The following EPHA6 variants were observed in gnomAD, a reference collection of about 807,000 sequenced individuals.
EPHA6 encodes the protein EPH receptor A6.
EPHA6 carries 50 observed loss-of-function variants against 112.0 expected under a neutral mutation model. The observed-to-expected ratio is 0.45, with a 90% CI of 0.36 to 0.56. The LOEUF (loss-of-function observed/expected upper bound fraction) is 0.56. Among genes scored for constraint, EPHA6 ranks in the 20% least tolerant of loss-of-function variants. EPHA6 has a pLI of 0.00. For synonymous variants in EPHA6, 529 were observed against 490.7 expected, an observed-to-expected ratio of 1.08 and a Z score of -1.03; for missense variants, 1,280 against 1,417.4, an observed-to-expected ratio of 0.90 and a Z score of 1.56.
chr3:97,135,807 G>A (rs1023416603), intron 3 of EPHA6, among the ~76,000 whole-genome samples: 2 of 150,130 alleles, frequency 1.3e-5, no homozygotes, highest in African/African-American at 2.5e-5. Flanking sequence ...CTAAGTAGAC[G>A]CTTTGAAGGA....
At chr3:97,573,179 ATGACT>A (rs1242008563) in intron 11 of EPHA6, among the ~76,000 whole-genome samples, 4 of 152,136 alleles carry the variant, frequency 2.6e-5, no homozygotes, top group Non-Finnish European at 2.9e-5. Context: ...ATGTCTCCAA[ATGACT>A]TGATTTGATA....
At chr3:97,138,749 A>C (rs987531428) in intron 3 of EPHA6, among the ~76,000 whole-genome samples, 8 of 152,210 alleles carry the variant, frequency 5.3e-5, no homozygotes, top group Non-Finnish European at 1.0e-4. Context: ...ATGGGGGCTG[A>C]GTGCCCCTCC....
At chr3:97,191,738 ACAC>A in intron 3 of EPHA6, among the ~76,000 whole-genome samples, 1 of 152,142 alleles carries the variant, frequency 6.6e-6, no homozygotes, top group Non-Finnish European at 1.5e-5. Flanking sequence ...TAACAGATGA[ACAC>A]TTAGGTGGCT....
rs534662670 is a variant in EPHA6 at position 97,375,696 on chromosome 3, G to T, written c.1607-29454G>T. ...CTTGAATATTTGAATCCTTACTACAGATATAACATTAATGCTTGAAAATAT... is the reference window on the plus strand; with the variant it reads ...CTTGAATATTTGAATCCTTACTACATATATAACATTAATGCTTGAAAATAT... On this transcript the variant is annotated intron_variant, in intron 5 of 17. Coordinates refer to ENST00000389672, the MANE Select transcript of EPHA6 (RefSeq NM_001080448.3). Among the ~76,000 whole-genome samples the T allele has an allele frequency of 4.6e-5, 7 of 152,104 alleles. No homozygotes were observed. The South Asian group carries it at 1.2e-3, about 27-fold the overall frequency.
chr3:97,121,475 C>G (rs577322577), intron 3 of EPHA6, among the ~76,000 whole-genome samples: 3 of 152,174 alleles, frequency 2.0e-5, no homozygotes, highest in African/African-American at 7.2e-5. Context: ...TCCTCTCACT[C>G]ACATGTCACT....
chr3:97,261,315 G>T (rs1656420415), intron 5 of EPHA6, among the ~76,000 whole-genome samples: 1 of 152,114 alleles, frequency 6.6e-6, no homozygotes, highest in African/African-American at 2.4e-5. Context: ...GTACCTATAT[G>T]GTAGATGAGG....
At chr3:96,923,833 C>T (rs1303880705) in intron 2 of EPHA6, among the ~76,000 whole-genome samples, 1 of 151,790 alleles carries the variant, frequency 6.6e-6, no homozygotes, top group Admixed American at 6.6e-5. Flanking sequence ...AGTCCAGTTT[C>T]AGTTTTCTGT....
chr3:96,863,672 T>G (rs1243993394), intron 1 of EPHA6, among the ~76,000 whole-genome samples: 1 of 152,028 alleles, frequency 6.6e-6, no homozygotes, highest in Non-Finnish European at 1.5e-5. Flanking sequence ...TGTTTTGAAG[T>G]GAATATACTT....
intron 1 of EPHA6, among the ~76,000 whole-genome samples, chr3:96,861,740 C>CA (rs1411082153): frequency 6.6e-6 from 1 of 151,682 alleles, no homozygotes; most frequent in Non-Finnish European, 1.5e-5. Context: ...TAAGAATAAC[C>CA]ACCACAACAA....
At chr3:96,974,326 G>T (rs1446586003) in intron 2 of EPHA6, among the ~76,000 whole-genome samples, 2 of 149,432 alleles carry the variant, frequency 1.3e-5, no homozygotes, top group African/African-American at 4.9e-5. Flanking sequence ...GATGGGGAAG[G>T]GTTTTTAGAG....
intron 14 of EPHA6, among the ~76,000 whole-genome samples, chr3:97,710,869 T>C (rs907965293): frequency 1.3e-5 from 2 of 152,258 alleles, no homozygotes; most frequent in African/African-American, 2.4e-5. Context: ...GATATTTGTT[T>C]TTAAGCAGAG....
intron 3 of EPHA6, among the ~76,000 whole-genome samples, chr3:97,215,114 G>T (rs141368491): frequency 6.6e-6 from 1 of 152,078 alleles, no homozygotes; most frequent in African/African-American, 2.4e-5. Flanking sequence ...CACACAAGAC[G>T]CAATTCAATA....
rs2039552327 is a variant in EPHA6, at chr3:96,917,589, C to T, written c.450+50700C>T. The stretch of plus-strand genomic sequence containing the variant: ...TGAGCCTGCTCCCATGCACAGTACA[C>T]CACTGCTACTACCTACAAACAACCA... On this transcript the variant is annotated intron_variant, in intron 2 of 17. Coordinates refer to ENST00000389672, the MANE Select transcript of EPHA6 (RefSeq NM_001080448.3). Among the ~76,000 whole-genome samples the T allele has an allele frequency of 2.6e-5, 4 of 152,140 alleles. No individual in the cohort carries two copies. The East Asian group carries it at 7.7e-4, about 29-fold the overall frequency.
At chr3:97,552,966 T>C (rs1271145978) in intron 11 of EPHA6, among the ~76,000 whole-genome samples, 1 of 152,204 alleles carries the variant, frequency 6.6e-6, no homozygotes, top group Non-Finnish European at 1.5e-5. Flanking sequence ...TATTAATGTC[T>C]ACTTTGTGAT....
chr3:97,616,540 A>G (rs1431543737), intron 13 of EPHA6, among the ~76,000 whole-genome samples: 4 of 152,202 alleles, frequency 2.6e-5, no homozygotes, highest in Admixed American at 6.5e-5. Flanking sequence ...ATGATAAAAC[A>G]TTGCAGGAGC....
chr3:97,112,126 T>G (rs892210832), intron 3 of EPHA6, among the ~76,000 whole-genome samples: 6 of 152,156 alleles, frequency 3.9e-5, no homozygotes, highest in Non-Finnish European at 8.8e-5. Context: ...CATAAAGATA[T>G]AGTATTCATT....
chr3:97,124,753 A>G (rs2048137990), intron 3 of EPHA6, among the ~76,000 whole-genome samples: 1 of 152,062 alleles, frequency 6.6e-6, no homozygotes, highest in Non-Finnish European at 1.5e-5. Context: ...AGACAGTCCC[A>G]CTCATCTTGG....
intron 2 of EPHA6, among the ~76,000 whole-genome samples, chr3:96,946,014 T>G (rs1466012646): frequency 6.6e-6 from 1 of 152,156 alleles, no homozygotes; most frequent in Non-Finnish European, 1.5e-5. Context: ...TGCCTAACCC[T>G]TGGCAACCAC....
chr3:97,005,468 T>C (rs2043841996), intron 3 of EPHA6, among the ~76,000 whole-genome samples: 1 of 152,218 alleles, frequency 6.6e-6, no homozygotes, highest in Non-Finnish European at 1.5e-5. Flanking sequence ...ATTGATTTTA[T>C]ATTCTGCGAC....
Sources: gnomAD v4.1 joint callset for allele counts (sites outside exome capture counted in the v4.1 genomes callset) on GRCh38, gnomAD v4.1.1 for gene constraint, MANE v1.5 for transcripts, NCBI Gene and HGNC (gene_info 2026-07-23, HGNC 2026-07-21) for gene names.